RNF130: variants seen among roughly 807,000 people sequenced by gnomAD.
RNF130 encodes the protein ring finger protein 130.
In RNF130, 21 loss-of-function variants were observed where a neutral mutation model predicts 44.6. That is an observed-to-expected ratio of 0.47 (90% confidence interval 0.33 to 0.68). The LOEUF (loss-of-function observed/expected upper bound fraction) is 0.68, where lower values mean the gene tolerates loss of function less well. RNF130 is among the 30% of genes least tolerant of loss of function. RNF130 has a pLI of 0.02. For synonymous variants in RNF130, 214 were observed against 210.4 expected (o/e 1.02, Z -0.15); for missense variants, 479 against 560.6 (o/e 0.85, Z 1.47).
In RNF130 at chr5:179,955,648, T is replaced by C; in HGVS notation, c.*6A>G. 1.3e-6 allele frequency: 2 copies of C among 1,586,130 alleles called. No homozygotes were observed. Among genetic ancestry groups the C allele is most frequent in the Non-Finnish European group, 1.7e-6 (2 of 1,167,392 alleles). On this transcript the variant is annotated 3_prime_UTR_variant, in exon 9 of 9. Coordinates refer to ENST00000521389, the MANE Select transcript of RNF130 (RefSeq NM_018434.6). ...AAAATCAGTCAGAAAGCAGGTTTTT[T>C]CTTCTTCAAAACCATTCTACCCTAT...
chr5:179,964,299 C>T (rs1185433377), intron 7 of RNF130: 1 of 152,192 alleles, frequency 6.6e-6, no homozygotes, highest in African/African-American at 2.4e-5. Context: ...AGGATGTTTA[C>T]TAGACTGTCT....
intron 7 of RNF130, among the ~76,000 whole-genome samples, chr5:179,937,807 A>C (rs1761913793): frequency 6.6e-6 from 1 of 152,116 alleles, no homozygotes; most frequent in African/African-American, 2.4e-5. Context: ...AATGTCCATC[A>C]GTGGATGAGG....
chr5:180,002,723 G>A (rs1763371529), intron 3 of RNF130, among the ~76,000 whole-genome samples: 1 of 152,154 alleles, frequency 6.6e-6, no homozygotes, highest in Non-Finnish European at 1.5e-5. Context: ...GAGGCCCAGT[G>A]TTTCCTTCCC....
At chr5:180,062,986 A>G (rs1765022180) in intron 1 of RNF130, among the ~76,000 whole-genome samples, 1 of 152,242 alleles carries the variant, frequency 6.6e-6, no homozygotes, top group Non-Finnish European at 1.5e-5. Context: ...CTGAAAGAAT[A>G]TCAGAATGGT....
rs187414909 is a variant in RNF130, at chr5:180,048,362, G to A, written c.248-7715C>T. ...GTTGCTCTGCCCTGCTTCTAGGCTAGAGGATGATATTATTATCAAAGGCTA... is the reference window on the plus strand; with the variant it reads ...GTTGCTCTGCCCTGCTTCTAGGCTAAAGGATGATATTATTATCAAAGGCTA... On this transcript the variant is annotated intron_variant, in intron 1 of 8. Transcript: ENST00000521389. Among the ~76,000 whole-genome samples the A allele has an allele frequency of 3.9e-5, 6 of 152,308 alleles. No homozygotes were observed. The East Asian group carries it at 1.2e-3, about 29-fold the overall frequency.
chr5:179,944,470 T>G (rs1267902931), intron 7 of RNF130, among the ~76,000 whole-genome samples: 1 of 152,068 alleles, frequency 6.6e-6, no homozygotes, highest in Non-Finnish European at 1.5e-5. Flanking sequence ...TATTTTTTAT[T>G]TTTTATTTTT....
At chr5:179,954,458 G>A (rs542938996), downstream of RNF130, among the ~76,000 whole-genome samples, 17 of 152,282 alleles carry the variant, frequency 1.1e-4, no homozygotes, top group East Asian at 2.7e-3. Flanking sequence ...CTAAGTCAAA[G>A]ACGCCAGACA....
chr5:179,981,554 T>A (rs1297812546), intron 3 of RNF130, among the ~76,000 whole-genome samples: 1 of 152,238 alleles, frequency 6.6e-6, no homozygotes, highest in Non-Finnish European at 1.5e-5. Flanking sequence ...TTCATCTGTT[T>A]CCCTCTTTAC....
intron 7 of RNF130, among the ~76,000 whole-genome samples, chr5:179,947,065 T>C (rs1762053255): frequency 6.6e-6 from 1 of 152,162 alleles, no homozygotes; most frequent in Non-Finnish European, 1.5e-5. Context: ...GCAACCCTAC[T>C]GTACTGAATG....
At chr5:180,038,422 T>A (rs1161924990) in intron 2 of RNF130, among the ~76,000 whole-genome samples, 2 of 150,062 alleles carry the variant, frequency 1.3e-5, no homozygotes, top group East Asian at 1.9e-4. Context: ...TTTTTTTTTT[T>A]ATTTTGATTA....
chr5:179,982,888 T>A (rs999868943), intron 3 of RNF130, among the ~76,000 whole-genome samples: 2 of 152,196 alleles, frequency 1.3e-5, no homozygotes, highest in African/African-American at 4.8e-5. Context: ...GCAGCCTCCT[T>A]ACAGTTTTAA....
chr5:179,940,428 C>T (rs564824172), intron 7 of RNF130, among the ~76,000 whole-genome samples: 4 of 151,978 alleles, frequency 2.6e-5, no homozygotes, highest in African/African-American at 7.2e-5. Flanking sequence ...ACCATGTTGG[C>T]CAGGCTGGTC....
intron 1 of RNF130, among the ~76,000 whole-genome samples, chr5:180,065,668 G>A (rs1470558350): frequency 1.3e-5 from 2 of 151,788 alleles, no homozygotes; most frequent in Non-Finnish European, 2.9e-5. Flanking sequence ...GCTGAAGCAG[G>A]AGAATTGCTT....
rs554630587 is a variant in RNF130, at chr5:179,959,537, T to C, written c.1245-3868A>G. Among the ~76,000 whole-genome samples, 7 of 151,650 alleles carry C rather than the reference T, an allele frequency of 4.6e-5. No homozygotes were observed. The East Asian group carries it at 1.2e-3, about 25-fold the overall frequency. ...CAGCTACTCAGAAGACTGAGGCAGATAATTTCTTGAACCCGGGAGGTGGAG... is the reference window on the plus strand; with the variant it reads ...CAGCTACTCAGAAGACTGAGGCAGACAATTTCTTGAACCCGGGAGGTGGAG... On this transcript the variant is annotated intron_variant, in intron 8 of 8. Transcript: ENST00000521389.
chr5:179,958,023 G>A (rs1033807568), intron 8 of RNF130, among the ~76,000 whole-genome samples: 25 of 150,906 alleles, frequency 1.7e-4, no homozygotes, highest in African/African-American at 5.1e-4. Context: ...GACTACAGGC[G>A]CCCGCCACTA....
intron 7 of RNF130, among the ~76,000 whole-genome samples, chr5:179,921,307 T>C (rs1404487368): frequency 2.6e-5 from 4 of 152,224 alleles, no homozygotes; most frequent in Non-Finnish European, 4.4e-5. Context: ...CAGGGAAACA[T>C]AGATTAGTTT....
At chr5:180,016,302 A>G (rs1037847411) in intron 2 of RNF130, among the ~76,000 whole-genome samples, 1 of 152,166 alleles carries the variant, frequency 6.6e-6, no homozygotes, top group Non-Finnish European at 1.5e-5. Context: ...GCTGCCTCAG[A>G]CACTTGACTT....
rs764868932 is a variant in RNF130 at position 180,071,577 on chromosome 5, C to T, written c.126G>A (p.Thr42=). ...GGGCGCCGCGGCCGGGCTCCTGCAC[C>T]GTCACGTTGATGAGCGCCGTGTAGT... The part of the protein sequence containing the change: ...QEYYTALINV[T]VQEPGRGAPL... Residue 42 remains threonine, a synonymous_variant, in exon 1 of 9, where the codon ACG becomes ACA. Coordinates refer to ENST00000521389, the MANE Select transcript of RNF130 (RefSeq NM_018434.6). 5.4e-6 allele frequency: 8 copies of T among 1,485,926 alleles called. No individual in the cohort carries two copies. Among genetic ancestry groups the T allele is most frequent in the South Asian group, 1.3e-5 (1 of 75,342 alleles). 92.0% of individuals were successfully genotyped at this position (1,485,926 alleles called of 1,614,324 possible).
intron 1 of RNF130, among the ~76,000 whole-genome samples, chr5:180,047,917 A>T (rs766889721): frequency 1.3e-5 from 2 of 151,634 alleles, no homozygotes; most frequent in Admixed American, 6.6e-5. Flanking sequence ...TCGAACCTTC[A>T]ATACTGACGC....
Sources: gnomAD v4.1 joint callset for allele counts (sites outside exome capture counted in the v4.1 genomes callset) on GRCh38, gnomAD v4.1.1 for gene constraint, MANE v1.5 for transcripts, NCBI Gene and HGNC (gene_info 2026-07-23, HGNC 2026-07-21) for gene names.